Variants in FNDC1 observed in about 807,000 individuals in gnomAD.
The protein encoded by FNDC1 is fibronectin type III domain containing 1.
FNDC1 carries 96 observed loss-of-function variants against 168.0 expected under a neutral mutation model. The ratio of observed to expected loss-of-function variants is 0.57; its 90% CI spans 0.48 to 0.68. The LOEUF (loss-of-function observed/expected upper bound fraction) is 0.68. Ranked by LOEUF, FNDC1 falls within the 30% of genes least tolerant of loss-of-function variation. The pLI is 0.00. For synonymous variants in FNDC1, 1,099 were observed against 1,025.9 expected (o/e 1.07, Z -1.36); for missense variants, 2,587 against 2,482.1 (o/e 1.04, Z -0.90).
intron 11 of FNDC1, among the ~76,000 whole-genome samples, chr6:159,235,882 C>T (rs1423258568): frequency 6.6e-6 from 1 of 152,188 alleles, no homozygotes; most frequent in Non-Finnish European, 1.5e-5. Flanking sequence ...CCAATCCTTC[C>T]TTCCTCCAAC....
intron 13 of FNDC1, among the ~76,000 whole-genome samples, chr6:159,239,047 G>C (rs1283956913): frequency 6.6e-6 from 1 of 152,152 alleles, no homozygotes; most frequent in Non-Finnish European, 1.5e-5. Flanking sequence ...TGGTAATTAC[G>C]TGAAATGCAC....
chr6:159,215,246 G>A, intron 5 of FNDC1, 95 bp downstream of exon 5: 1 of 1,113,042 alleles, frequency 9.0e-7, no homozygotes, highest in Non-Finnish European at 1.3e-6. Context: ...TTATATTTTA[G>A]TTGTAATGTC....
intron 1 of FNDC1, among the ~76,000 whole-genome samples, chr6:159,178,273 T>G (rs1402992312): frequency 1.3e-5 from 2 of 152,244 alleles, no homozygotes; most frequent in African/African-American, 4.8e-5. Flanking sequence ...TTATTTTCGC[T>G]TTAAAAGCCT....
chr6:159,186,912 A>G (rs1037628446), intron 1 of FNDC1, among the ~76,000 whole-genome samples: 1 of 152,256 alleles, frequency 6.6e-6, no homozygotes, highest in Non-Finnish European at 1.5e-5. Context: ...GTGTACCCTT[A>G]TAAGTACATT....
intron 4 of FNDC1, among the ~76,000 whole-genome samples, chr6:159,207,228 C>G (rs1026676274): frequency 2.6e-5 from 4 of 152,248 alleles, no homozygotes; most frequent in African/African-American, 9.6e-5. Flanking sequence ...CACGTGAAGA[C>G]ACAAGCAGTG....
chr6:159,238,786 T>C (rs886078895), intron 13 of FNDC1, 121 bp downstream of exon 13: 5 of 680,590 alleles, frequency 7.3e-6, no homozygotes, highest in East Asian at 2.8e-5. Flanking sequence ...CTTTTACCCA[T>C]GTGAGAAGAA....
In FNDC1 at chr6:159,223,787, T is replaced by C. The variant is rs1782896691; in HGVS notation, c.884+142T>C. On this transcript the variant is annotated intron_variant, in intron 7 of 22. Coordinates refer to ENST00000297267, the MANE Select transcript of FNDC1 (RefSeq NM_032532.3). ...AGCTGAATAGCTGAATGGTAAATAT[T>C]CTATGACAATCTAGTTAATCCCAGG... The C allele has an allele frequency of 1.8e-5, 11 of 602,338 alleles. No individual in the cohort carries two copies. The East Asian group carries it at 3.1e-4, about 17-fold the overall frequency. The allele number at this position is 602,338 out of a possible 1,614,324, so 37.3% of individuals were successfully genotyped here.
chr6:159,259,900 G>A (rs779797173), intron 18 of FNDC1, among the ~76,000 whole-genome samples: 14 of 152,218 alleles, frequency 9.2e-5, no homozygotes, highest in Non-Finnish European at 1.6e-4. Context: ...TCAAAGTAAA[G>A]TATCTCTGTT....
At chr6:159,200,655 C>T in intron 4 of FNDC1, 74 bp downstream of exon 4, 2 of 1,185,388 alleles carry the variant, frequency 1.7e-6, no homozygotes, top group Non-Finnish European at 2.4e-6. Context: ...GTGCTTCCGT[C>T]ACACACATGT....
intron 5 of FNDC1, among the ~76,000 whole-genome samples, chr6:159,215,474 T>C (rs1782691423): frequency 6.6e-6 from 1 of 152,248 alleles, no homozygotes; most frequent in African/African-American, 2.4e-5. Context: ...TTTGTCATTT[T>C]GTTCTTTGAA....
At chr6:159,269,029 T>TCCATCCAC (rs1777653881) in intron 22 of FNDC1, among the ~76,000 whole-genome samples, 2 of 107,394 alleles carry the variant, frequency 1.9e-5, no homozygotes, top group Admixed American at 1.0e-4. Flanking sequence ...CATCCATCCA[T>TCCATCCAC]CCACCCACCT....
chr6:159,183,320 G>T (rs294878), intron 1 of FNDC1, among the ~76,000 whole-genome samples: 43,649 of 151,980 alleles, frequency 0.29, 7,721 homozygotes, highest in African/African-American at 0.5. Context: ...TTGACATTGG[G>T]GGACATTCCC....
chr6:159,239,264 A>G (rs1447016365), intron 13 of FNDC1, among the ~76,000 whole-genome samples: 1 of 152,156 alleles, frequency 6.6e-6, no homozygotes, highest in Non-Finnish European at 1.5e-5. Flanking sequence ...GAAGTTTTCC[A>G]CCTTTAATCC....
At chr6:159,257,315 G>C (rs1293894715) in intron 18 of FNDC1, among the ~76,000 whole-genome samples, 1 of 152,182 alleles carries the variant, frequency 6.6e-6, no homozygotes, top group Non-Finnish European at 1.5e-5. Flanking sequence ...TGGTGTGCTG[G>C]TAAACTGGCT....
chr6:159,204,056 C>A (rs974507246), intron 4 of FNDC1, among the ~76,000 whole-genome samples: 1 of 152,206 alleles, frequency 6.6e-6, no homozygotes, highest in African/African-American at 2.4e-5. Flanking sequence ...ATTTCTGCCT[C>A]ATTTTTCTTT....
chr6:159,260,515 T>C (rs1290180703), intron 18 of FNDC1, among the ~76,000 whole-genome samples: 1 of 152,144 alleles, frequency 6.6e-6, no homozygotes, highest in Admixed American at 6.5e-5. Context: ...TTCTCTTTCC[T>C]TGAGGCGCAG....
At chr6:159,212,101 C>G (rs542702679) in intron 4 of FNDC1, among the ~76,000 whole-genome samples, 48 of 152,366 alleles carry the variant, frequency 3.2e-4, no homozygotes, top group African/African-American at 1.2e-3. Context: ...GTAATTGTTT[C>G]ACCCAGGGGA....
At chr6:159,218,311 G>A (rs1010683347) in intron 5 of FNDC1, 18 of 152,190 alleles carry the variant, frequency 1.2e-4, no homozygotes, top group Admixed American at 1.2e-3. Flanking sequence ...TCCCCACCTG[G>A]GTGGACCGGA....
intron 4 of FNDC1, 78 bp downstream of exon 4, chr6:159,200,659 C>A: frequency 9.1e-7 from 1 of 1,102,636 alleles, no homozygotes; most frequent in Non-Finnish European, 1.3e-6. Flanking sequence ...TTCCGTCACA[C>A]ACATGTGCTC....
Sources: gnomAD v4.1 joint callset for allele counts (sites outside exome capture counted in the v4.1 genomes callset) on GRCh38, gnomAD v4.1.1 for gene constraint, MANE v1.5 for transcripts, NCBI Gene and HGNC (gene_info 2026-07-23, HGNC 2026-07-21) for gene names.